The following MYRIP variants were observed in gnomAD, a reference collection of about 807,000 sequenced individuals.
MYRIP encodes the protein myosin VIIA and Rab interacting protein.
Under a neutral mutation model 98.0 loss-of-function variants are expected in MYRIP, and 49 were observed. The ratio of observed to expected loss-of-function variants is 0.50; its 90% CI spans 0.40 to 0.63. MYRIP has a LOEUF of 0.63. Among genes scored for constraint, MYRIP ranks in the 30% least tolerant of loss-of-function variants. The pLI, the probability that MYRIP is intolerant of heterozygous loss-of-function variation, is 0.00. For missense variants in MYRIP, 1,004 were observed against 1,058.2 expected (o/e 0.95, Z 0.71); for synonymous variants, 404 against 409.5 (o/e 0.99, Z 0.16).
chr3:40,071,184 G>A (rs146942825), intron 3 of MYRIP: 113 of 985,476 alleles, frequency 1.1e-4, no homozygotes, highest in East Asian at 4.5e-4. Flanking sequence ...GTTCCCTACC[G>A]TAATCTCCTG....
At chr3:40,165,410 A>C (rs931553131) in intron 5 of MYRIP, among the ~76,000 whole-genome samples, 3 of 152,266 alleles carry the variant, frequency 2.0e-5, no homozygotes, top group African/African-American at 7.2e-5. Flanking sequence ...GTAATTAATG[A>C]ATTGATATAT....
At chr3:40,220,855 C>T (rs1432220878) in intron 11 of MYRIP, among the ~76,000 whole-genome samples, 4 of 151,658 alleles carry the variant, frequency 2.6e-5, no homozygotes, top group Admixed American at 2.6e-4. Context: ...GATCTCAAGA[C>T]AACTCACTCA....
intron 2 of MYRIP, among the ~76,000 whole-genome samples, chr3:39,912,141 T>C (rs1178248906): frequency 1.3e-5 from 2 of 152,104 alleles, no homozygotes; most frequent in African/African-American, 4.8e-5. Flanking sequence ...ACTTACAGGC[T>C]CCCATTTTGT....
chr3:40,258,104 G>A (rs1953656488), intron 16 of MYRIP, 30 bp from the exon 17 acceptor site: 1 of 1,613,560 alleles, frequency 6.2e-7, no homozygotes. Flanking sequence ...CCAAGTGGCT[G>A]ATGGGAGTGT....
At chr3:39,957,307 G>A (rs1945193380) in intron 2 of MYRIP, among the ~76,000 whole-genome samples, 2 of 151,738 alleles carry the variant, frequency 1.3e-5, no homozygotes. Context: ...GAATCCAGCA[G>A]CATATCAAAA....
At chr3:40,026,869 T>C (rs949597390) in intron 2 of MYRIP, among the ~76,000 whole-genome samples, 1 of 152,188 alleles carries the variant, frequency 6.6e-6, no homozygotes, top group Non-Finnish European at 1.5e-5. Context: ...TCTGTCTGGC[T>C]TCCCCTCTTC....
chr3:39,934,593 C>T (rs1944616250), intron 2 of MYRIP, among the ~76,000 whole-genome samples: 1 of 152,142 alleles, frequency 6.6e-6, no homozygotes, highest in Admixed American at 6.5e-5. Context: ...TTTAGTTTTG[C>T]ATGCTTTAAT....
chr3:40,144,067 C>T (rs938520135), intron 3 of MYRIP, among the ~76,000 whole-genome samples: 1 of 152,166 alleles, frequency 6.6e-6, no homozygotes, highest in Non-Finnish European at 1.5e-5. Context: ...GAACTTAGAA[C>T]ATGATATTAG....
At chr3:39,980,822 T>C (rs1286869500) in intron 2 of MYRIP, among the ~76,000 whole-genome samples, 1 of 152,164 alleles carries the variant, frequency 6.6e-6, no homozygotes, top group African/African-American at 2.4e-5. Context: ...TATCTATAAG[T>C]GCCTAGAGTA....
intron 2 of MYRIP, among the ~76,000 whole-genome samples, chr3:40,041,045 A>G (rs1427424165): frequency 1.4e-5 from 2 of 143,944 alleles, no homozygotes; most frequent in African/African-American, 5.1e-5. Flanking sequence ...AAAAAAAATC[A>G]AAGCAATGGC....
At chr3:39,870,499 T>C (rs1942753886) in intron 1 of MYRIP, among the ~76,000 whole-genome samples, 1 of 152,224 alleles carries the variant, frequency 6.6e-6, no homozygotes, top group South Asian at 2.1e-4. Flanking sequence ...GCTATAGAAC[T>C]GCCTTAAGGT....
intron 2 of MYRIP, among the ~76,000 whole-genome samples, chr3:40,032,307 T>G (rs1947279427): frequency 6.6e-6 from 1 of 152,248 alleles, no homozygotes; most frequent in Admixed American, 6.5e-5. Context: ...CAGGAGCAGG[T>G]TGTTCAGTTT....
chr3:40,059,608 CT>C (rs1202055894), intron 3 of MYRIP, among the ~76,000 whole-genome samples: 1 of 152,064 alleles, frequency 6.6e-6, no homozygotes, highest in African/African-American at 2.4e-5. Flanking sequence ...GGTGATCTGT[CT>C]TTTCAAAGAC....
chr3:39,971,005 G>A (rs1945566466), intron 2 of MYRIP, among the ~76,000 whole-genome samples: 1 of 152,042 alleles, frequency 6.6e-6, no homozygotes, highest in African/African-American at 2.4e-5. Flanking sequence ...ACCTAGAGAA[G>A]GAGTAACTAT....
intron 1 of MYRIP, among the ~76,000 whole-genome samples, chr3:39,870,608 T>C (rs1164306187): frequency 6.6e-6 from 1 of 152,206 alleles, no homozygotes; most frequent in Non-Finnish European, 1.5e-5. Flanking sequence ...TCATGTTTTT[T>C]CCCATATCCT....
chr3:39,972,095 T>C (rs1383137584), intron 2 of MYRIP, among the ~76,000 whole-genome samples: 1 of 152,096 alleles, frequency 6.6e-6, no homozygotes, highest in African/African-American at 2.4e-5. Context: ...GACTATTAGC[T>C]ACAAAATGTT....
intron 2 of MYRIP, among the ~76,000 whole-genome samples, chr3:39,935,444 T>C (rs1264742551): frequency 6.6e-6 from 1 of 152,106 alleles, no homozygotes; most frequent in Non-Finnish European, 1.5e-5. Flanking sequence ...TCAGGAACCC[T>C]ATAGCTTCGA....
At chr3:40,081,280 A>G (rs181235033) in intron 3 of MYRIP, among the ~76,000 whole-genome samples, 34 of 152,258 alleles carry the variant, frequency 2.2e-4, no homozygotes, top group African/African-American at 7.7e-4. Flanking sequence ...CAAATCTTCT[A>G]TATTCTTCCT....
chr3:40,123,564 T>C (rs1949453067), intron 3 of MYRIP, among the ~76,000 whole-genome samples: 1 of 152,196 alleles, frequency 6.6e-6, no homozygotes, highest in African/African-American at 2.4e-5. Flanking sequence ...CTGTGCATGG[T>C]TACCAAGTCT....
Sources: allele counts gnomAD v4.1 joint callset (sites outside exome capture counted in the v4.1 genomes callset), GRCh38; gene constraint gnomAD v4.1.1; transcripts MANE v1.5; gene names NCBI Gene and HGNC (gene_info 2026-07-23, HGNC 2026-07-21).